The following TTLL10 variants were observed in gnomAD, a reference collection of about 807,000 sequenced individuals.
The protein encoded by TTLL10 is tubulin tyrosine ligase like 10.
Under a neutral mutation model 69.0 loss-of-function variants are expected in TTLL10, and 61 were observed. That is an observed-to-expected ratio of 0.88 (90% CI 0.72 to 1.09). TTLL10 has a LOEUF of 1.09. Among genes scored for constraint, TTLL10 ranks in the 50% least tolerant of loss-of-function variants. TTLL10 has a pLI of 0.00. For synonymous variants in TTLL10, 408 were observed against 393.3 expected, an observed-to-expected ratio of 1.04 and a Z score of -0.44; for missense variants, 962 against 945.9, an observed-to-expected ratio of 1.02 and a Z score of -0.22.
intron 3 of TTLL10, among the ~76,000 whole-genome samples, chr1:1,177,847 TGGGTGGGGA>T (rs920298302): frequency 6.6e-6 from 1 of 152,196 alleles, no homozygotes; most frequent in African/African-American, 2.4e-5. Flanking sequence ...CCTCCTGTTC[TGGGTGGGGA>T]GGGGTCTCAG....
intron 7 of TTLL10, 64 bp from the exon 8 acceptor site, chr1:1,180,667 G>A: frequency 6.4e-7 from 1 of 1,562,190 alleles, no homozygotes; most frequent in South Asian, 1.2e-5. Flanking sequence ...CACAGGGCAG[G>A]TTGGAGGGGT....
chr1:1,178,605 G>A (rs551698559), intron 3 of TTLL10, among the ~76,000 whole-genome samples: 19 of 152,162 alleles, frequency 1.2e-4, no homozygotes, highest in Admixed American at 1.2e-3. Flanking sequence ...GCCCCAAGAT[G>A]GGTTTGTTTG....
Position 1,197,730 on chromosome 1 carries a change from G to A in TTLL10, c.1905G>A (p.Gly635=), listed in dbSNP as rs1177322418. 2.6e-5 allele frequency: 40 copies of A among 1,532,920 alleles called. No individual in the cohort carries two copies. The East Asian group carries it at 9.5e-4, about 37-fold the overall frequency. The allele number at this position is 1,532,920 out of a possible 1,614,324, so 95.0% of individuals were successfully genotyped here. The change falls in exon 16 of 16, where the codon GGG becomes GGA. Residue 635 remains glycine, a synonymous_variant. Transcript: ENST00000379289. The stretch of plus-strand genomic sequence containing the variant: ...CCGACCTGGACAGCGCCCACGATGG[G>A]GAGCCCCAGGCCCCGGGCACGGAGC... ...PGPDLDSAHD[G]EPQAPGTEQS...
chr1:1,183,943 T>A lies in TTLL10; in HGVS notation c.1112T>A (p.Val371Glu). The A allele has an allele frequency of 1.2e-6, 2 of 1,614,136 alleles. No individual in the cohort carries two copies. Among genetic ancestry groups the A allele is most frequent in the Non-Finnish European group, 1.7e-6 (2 of 1,180,008 alleles). ...VQRYIQNPLL[V>E]DGRKFDVRSY... is the part of the protein sequence containing the mutation. ...AGGTACATCCAGAACCCGCTGCTGG[T>A]GGACGGGAGAAAGTTTGACGTGCGC... The change falls in exon 12 of 16, where the codon GTG becomes GAG. Residue 371 changes from valine (V) to glutamate (E), a missense_variant. Coordinates refer to ENST00000379289, the MANE Select transcript of TTLL10 (RefSeq NM_001130045.2).
At chr1:1,180,656 G>A in intron 7 of TTLL10, 55 bp downstream of exon 7, 15 of 1,556,740 alleles carry the variant, frequency 9.6e-6, no homozygotes, top group Non-Finnish European at 1.3e-5. Context: ...CTGGGCCGGA[G>A]CACAGGGCAG....
intron 13 of TTLL10, among the ~76,000 whole-genome samples, chr1:1,190,935 C>G (rs1275861515): frequency 6.6e-6 from 1 of 152,144 alleles, no homozygotes; most frequent in East Asian, 1.9e-4. Flanking sequence ...AAGCGATTCT[C>G]CTGCCTCAGC....
rs145678505 is a variant in TTLL10, at chr1:1,189,045, G to A, written c.1401+3936G>A. On this transcript the variant is annotated intron_variant, in intron 13 of 15. Coordinates refer to ENST00000379289, the MANE Select transcript of TTLL10 (RefSeq NM_001130045.2). ...CTGAATTCACTTATTAGCTCCGTGT[G>A]TGTGTGCACTCTTCAAGATTTTTAT... 1.4e-3 allele frequency among the ~76,000 whole-genome samples: 219 copies of A among 152,264 alleles called. 4 individuals are homozygous for A. Among genetic ancestry groups the A allele is most frequent in the Non-Finnish European group, 1.2e-4 (8 of 68,020 alleles).
chr1:1,182,580 G>C, intron 10 of TTLL10, 134 bp downstream of exon 10: 1 of 994,858 alleles, frequency 1.0e-6, no homozygotes, highest in Admixed American at 1.9e-5. Flanking sequence ...AGGTGGTCAG[G>C]AAGGGGCCAG....
rs1378410128 is a variant in TTLL10, at chr1:1,183,607, C to T, written c.1089-313C>T. ...TGGCGCACCCCCTCTGCCTGCTGTG[C>T]TCCCTCTGCCTAGCGCCCGCCTGGC... On this transcript the variant is annotated intron_variant, in intron 11 of 15. Coordinates refer to ENST00000379289, the MANE Select transcript of TTLL10 (RefSeq NM_001130045.2). Among the ~76,000 whole-genome samples the T allele has an allele frequency of 2.0e-5, 3 of 152,188 alleles. No individual in the cohort carries two copies. The South Asian group carries it at 6.2e-4, about 32-fold the overall frequency.
Position 1,180,175 on chromosome 1 carries a change from C to T in TTLL10, c.341C>T (p.Pro114Leu). The change falls in exon 6 of 16, where the codon CCT (proline) becomes CTT (leucine). Residue 114 changes from proline (P) to leucine (L), a missense_variant. By Grantham distance (98) the Pro-to-Leu change is moderately conservative. Transcript: ENST00000379289. Reference sequence around the variant, plus strand: ...AGAGCCTCTGCCACACCCGGACCCCCTGGGCTCCTGAACAGCCACCGGCCT... The same window carrying T: ...AGAGCCTCTGCCACACCCGGACCCCTTGGGCTCCTGAACAGCCACCGGCCT... Reference protein sequence around the residue: ...AERASATPGPPGLLNSHRPAD... With the variant: ...AERASATPGPLGLLNSHRPAD... The T allele has an allele frequency of 6.2e-7, 1 of 1,611,310 alleles. No individual in the cohort carries two copies.
In TTLL10 at chr1:1,197,487, G is replaced by T; in HGVS notation, c.1662G>T (p.Leu554Phe). Residue 554 changes from leucine (L) to phenylalanine (F), a missense_variant, in exon 16 of 16, where the codon TTG becomes TTT. Transcript: ENST00000379289. ...FRKSLRGQKM[L>F]PLLSQRRFVL... ...AGAGCCTGCGCGGCCAGAAGATGTT[G>T]CCTCTGCTGTCCCAGCGCCGCTTCG... is the stretch of plus-strand genomic sequence containing the variant. 1 of 1,545,248 alleles carries T rather than the reference G, an allele frequency of 6.5e-7. No homozygotes were observed. Among genetic ancestry groups the T allele is most frequent in the Non-Finnish European group, 8.7e-7 (1 of 1,145,672 alleles).
At chr1:1,180,673 G>A in intron 7 of TTLL10, 58 bp from the exon 8 acceptor site, 4 of 1,565,890 alleles carry the variant, frequency 2.6e-6, no homozygotes, top group African/African-American at 1.4e-5. Context: ...GCAGGTTGGA[G>A]GGGTGGGGAC....
chr1:1,176,822 A>G (rs890990443), intron 3 of TTLL10, among the ~76,000 whole-genome samples: 6 of 152,216 alleles, frequency 3.9e-5, no homozygotes, highest in Non-Finnish European at 7.4e-5. Context: ...AGTTTCCTTG[A>G]CTTAAATCCC....
chr1:1,182,851 G>C, intron 10 of TTLL10, 25 bp from the exon 11 acceptor site: 2 of 1,536,628 alleles, frequency 1.3e-6, no homozygotes, highest in Non-Finnish European at 1.8e-6. Context: ...GGCGAGGCCA[G>C]GGGCTCAGGC....
At chr1:1,177,975 G>A (rs1646926122) in intron 3 of TTLL10, among the ~76,000 whole-genome samples, 2 of 152,274 alleles carry the variant, frequency 1.3e-5, no homozygotes, top group African/African-American at 2.4e-5. Flanking sequence ...CCCTGAGGAC[G>A]GGTCCCAGTG....
chr1:1,197,700 C>T lies in TTLL10; in HGVS notation c.1875C>T (p.Pro625=), dbSNP rs759235307. 1.3e-5 allele frequency: 19 copies of T among 1,514,446 alleles called. No individual in the cohort carries two copies. Among genetic ancestry groups the T allele is most frequent in the South Asian group, 3.7e-5 (3 of 81,990 alleles). 93.8% of individuals were successfully genotyped at this position (1,514,446 alleles called of 1,614,324 possible). Residue 625 remains proline, a synonymous_variant, in exon 16 of 16, where the codon CCC becomes CCT. Transcript: ENST00000379289. ...TGGTGCCGCAGCGTCCCCGGCCACC[C>T]GGCCCCGACCTGGACAGCGCCCACG... ...PPLVPQRPRP[P]GPDLDSAHDG...
chr1:1,183,813 G>A, intron 11 of TTLL10, 107 bp from the exon 12 acceptor site: 3 of 1,437,516 alleles, frequency 2.1e-6, no homozygotes, highest in Non-Finnish European at 2.9e-6. Context: ...ACCTGGGACA[G>A]AGGCGGGGCG....
intron 11 of TTLL10, among the ~76,000 whole-genome samples, chr1:1,183,523 C>A (rs1469752403): frequency 6.6e-6 from 1 of 152,212 alleles, no homozygotes; most frequent in African/African-American, 2.4e-5. Context: ...CTGCCGTCTG[C>A]CGTCCCCAGC....
At chr1:1,184,403 T>C (rs1647187868) in intron 12 of TTLL10, among the ~76,000 whole-genome samples, 1 of 151,770 alleles carries the variant, frequency 6.6e-6, no homozygotes, top group East Asian at 1.9e-4. Context: ...GAGGATGGGG[T>C]GCGGGTGGGC....
Sources: gnomAD v4.1 joint callset for allele counts (sites outside exome capture counted in the v4.1 genomes callset) on GRCh38, gnomAD v4.1.1 for gene constraint, MANE v1.5 for transcripts, NCBI Gene and HGNC (gene_info 2026-07-23, HGNC 2026-07-21) for gene names.